Variants in KIAA1217 observed in about 807,000 individuals in gnomAD.
KIAA1217 encodes sickle tail protein homolog.
A neutral mutation model predicts 163.9 loss-of-function variants in KIAA1217; 88 were observed. That is an observed-to-expected ratio of 0.54 (90% CI 0.45 to 0.64). KIAA1217 has a LOEUF of 0.64. KIAA1217 is among the 30% of genes least tolerant of loss of function. The pLI, the probability that KIAA1217 is intolerant of heterozygous loss-of-function variation, is 0.00. For synonymous variants in KIAA1217, 903 were observed against 923.1 expected (o/e 0.98, Z 0.39); for missense variants, 2,372 against 2,475.0 (o/e 0.96, Z 0.88).
At chr10:23,948,195 A>G (rs1844149710) in intron 1 of KIAA1217, among the ~76,000 whole-genome samples, 1 of 152,192 alleles carries the variant, frequency 6.6e-6, no homozygotes, top group African/African-American at 2.4e-5. Flanking sequence ...CAGCTGTGTG[A>G]CCATAGGCAG....
At chr10:24,147,006 TAAAAAAAAAA>T (rs755857019) in intron 2 of KIAA1217, among the ~76,000 whole-genome samples, 1 of 110,726 alleles carries the variant, frequency 9.0e-6, no homozygotes, top group Non-Finnish European at 1.9e-5. Flanking sequence ...TTTGTTTTGT[TAAAAAAAAAA>T]AAAAAAAAAA....
intron 2 of KIAA1217, among the ~76,000 whole-genome samples, chr10:24,224,538 G>T (rs910633216): frequency 3.3e-5 from 5 of 151,822 alleles, no homozygotes; most frequent in African/African-American, 1.2e-4. Flanking sequence ...GTAGAGATGG[G>T]GCTAGTCTGG....
intron 2 of KIAA1217, among the ~76,000 whole-genome samples, chr10:24,133,571 CA>C (rs765374458): frequency 0.032 from 3,580 of 113,586 alleles, 102 homozygotes; most frequent in African/African-American, 0.083. Context: ...GACTGTGTCT[CA>C]AAAAAAAAAA....
chr10:24,284,588 A>G (rs2078339741), intron 2 of KIAA1217, among the ~76,000 whole-genome samples: 2 of 152,204 alleles, frequency 1.3e-5, no homozygotes, highest in South Asian at 2.1e-4. Context: ...GTAGTATTCC[A>G]TGGTGTAAAT....
chr10:24,103,214 A>G (rs1050014410), intron 2 of KIAA1217, among the ~76,000 whole-genome samples: 5 of 152,222 alleles, frequency 3.3e-5, no homozygotes, highest in African/African-American at 1.2e-4. Context: ...CAACACATAC[A>G]ATAAAAAAAG....
intron 1 of KIAA1217, among the ~76,000 whole-genome samples, chr10:23,731,249 T>C (rs890192942): frequency 6.6e-6 from 1 of 152,134 alleles, no homozygotes; most frequent in Non-Finnish European, 1.5e-5. Context: ...TAAATATACA[T>C]ACTCAATAAG....
intron 2 of KIAA1217, among the ~76,000 whole-genome samples, chr10:24,177,141 C>T (rs1339926729): frequency 6.6e-6 from 1 of 151,330 alleles, no homozygotes; most frequent in Non-Finnish European, 1.5e-5. Context: ...CAGAGAGGGG[C>T]TCCCACAGTG....
intron 1 of KIAA1217, among the ~76,000 whole-genome samples, chr10:23,793,943 G>C (rs528804321): frequency 6.6e-6 from 1 of 152,136 alleles, no homozygotes; most frequent in African/African-American, 2.4e-5. Context: ...TTAATCAAAG[G>C]CATTTTGACC....
At chr10:24,193,308 A>G (rs2066816726) in intron 2 of KIAA1217, among the ~76,000 whole-genome samples, 2 of 152,236 alleles carry the variant, frequency 1.3e-5, no homozygotes, top group South Asian at 4.1e-4. Context: ...CTCTGATTTT[A>G]TAGGAGTCCT....
chr10:24,300,748 G>A (rs573030036), intron 2 of KIAA1217, among the ~76,000 whole-genome samples: 1 of 152,106 alleles, frequency 6.6e-6, no homozygotes, highest in Admixed American at 6.5e-5. Context: ...TGTATTTTTA[G>A]TAGAGATGGG....
chr10:23,817,275 A>G (rs1235943130), intron 1 of KIAA1217, among the ~76,000 whole-genome samples: 1 of 152,232 alleles, frequency 6.6e-6, no homozygotes, highest in East Asian at 1.9e-4. Context: ...ACAGGATGAT[A>G]TATACAAATG....
intron 1 of KIAA1217, among the ~76,000 whole-genome samples, chr10:23,939,084 G>A (rs528931116): frequency 1.3e-5 from 2 of 152,166 alleles, no homozygotes; most frequent in South Asian, 4.1e-4. Flanking sequence ...AATACTGTAA[G>A]CCCTAACACC....
intron 2 of KIAA1217, among the ~76,000 whole-genome samples, chr10:24,331,298 C>A (rs1403732446): frequency 1.3e-5 from 2 of 152,112 alleles, no homozygotes; most frequent in Non-Finnish European, 2.9e-5. Context: ...ATTGCCCTCT[C>A]CAAAATTAAA....
intron 1 of KIAA1217, among the ~76,000 whole-genome samples, chr10:24,211,283 C>T (rs2068039683): frequency 1.3e-5 from 2 of 151,316 alleles, no homozygotes; most frequent in Admixed American, 1.3e-4. Context: ...GGCCAGATCA[C>T]CTAGGGCCCA....
chr10:24,538,731 G>GTT (rs1564894700), intron 17 of KIAA1217, among the ~76,000 whole-genome samples: 1 of 95,532 alleles, frequency 1.0e-5, no homozygotes, highest in African/African-American at 4.2e-5. Context: ...TATTGTTTTT[G>GTT]GTTTTTTTTT....
chr10:24,091,101 C>T (rs1398199391), intron 2 of KIAA1217, among the ~76,000 whole-genome samples: 1 of 151,866 alleles, frequency 6.6e-6, no homozygotes, highest in Non-Finnish European at 1.5e-5. Context: ...TTCCACAAAA[C>T]ATTTATTGGT....
At chr10:24,511,664 CA>C (rs1297683879) in intron 9 of KIAA1217, among the ~76,000 whole-genome samples, 1 of 152,010 alleles carries the variant, frequency 6.6e-6, no homozygotes, top group East Asian at 1.9e-4. Context: ...AACAAACAAG[CA>C]AAAAAATGAT....
At position 23,847,139 on chromosome 10, in the gene KIAA1217, G is replaced by A. The variant is rs549334180; in HGVS notation, c.-321+151905G>A. Among the ~76,000 whole-genome samples, 221 of 152,280 alleles carry A rather than the reference G, an allele frequency of 1.5e-3. 1 individual carries two copies. The highest frequency in any genetic ancestry group is 5.1e-3 in the African/African-American group (214 of 41,560). On this transcript the variant is annotated intron_variant, in intron 1 of 18. Coordinates refer to the KIAA1217 transcript ENST00000376462. ...ATGTGCTACTGGATTCGGTTTGCCA[G>A]TATTTTATTGAGGATTTTCACATCG...
chr10:24,003,128 T>C (rs1049619911), intron 1 of KIAA1217, among the ~76,000 whole-genome samples: 3 of 152,092 alleles, frequency 2.0e-5, no homozygotes, highest in African/African-American at 7.2e-5. Context: ...TGCAAGTGTT[T>C]TTTTGTTTTT....
Sources: allele counts gnomAD v4.1 joint callset (sites outside exome capture counted in the v4.1 genomes callset), GRCh38; gene constraint gnomAD v4.1.1; transcripts MANE v1.5; gene names NCBI Gene and HGNC (gene_info 2026-07-23, HGNC 2026-07-21).